LRP1B: variants seen among roughly 807,000 people sequenced by gnomAD.
LRP1B encodes low-density lipoprotein receptor-related protein 1B.
Under a neutral mutation model 556.6 loss-of-function variants are expected in LRP1B, and 217 were observed. That is an observed-to-expected ratio of 0.39 (90% CI 0.35 to 0.44). The LOEUF is 0.44. Ranked by LOEUF, LRP1B falls within the 20% of genes least tolerant of loss-of-function variation. The pLI, the probability that LRP1B is intolerant of heterozygous loss-of-function variation, is 1.00. For synonymous variants in LRP1B, 2,047 were observed against 1,865.8 expected (o/e 1.10, Z -2.50); for missense variants, 5,053 against 5,620.8 (o/e 0.90, Z 3.23).
At chr2:141,006,124 G>A (rs1398049550) in intron 14 of LRP1B, among the ~76,000 whole-genome samples, 1 of 151,978 alleles carries the variant, frequency 6.6e-6, no homozygotes, top group Non-Finnish European at 1.5e-5. Flanking sequence ...CGTATGTGAG[G>A]CACCCTTGCA....
chr2:141,024,910 G>A (rs754944629), intron 11 of LRP1B, among the ~76,000 whole-genome samples: 1 of 152,006 alleles, frequency 6.6e-6, no homozygotes, highest in Admixed American at 6.6e-5. Flanking sequence ...ATTATAATGG[G>A]CAGTAAGAAG....
chr2:141,497,856 T>C (rs956309304), intron 2 of LRP1B, among the ~76,000 whole-genome samples: 7 of 152,000 alleles, frequency 4.6e-5, no homozygotes, highest in African/African-American at 9.7e-5. Flanking sequence ...TTTTAACTTT[T>C]ATGAAAATAA....
chr2:141,815,354 G>C (rs868801183), intron 1 of LRP1B, among the ~76,000 whole-genome samples: 3 of 152,140 alleles, frequency 2.0e-5, no homozygotes, highest in African/African-American at 7.2e-5. Flanking sequence ...CAGCTGGGTC[G>C]AGTGAGGACT....
intron 2 of LRP1B, among the ~76,000 whole-genome samples, chr2:141,726,899 G>C (rs1014061720): frequency 6.6e-6 from 1 of 152,036 alleles, no homozygotes; most frequent in Non-Finnish European, 1.5e-5. Context: ...GATTTTGAAG[G>C]ATGAGCAGGT....
At chr2:141,472,374 T>C (rs946645287) in intron 3 of LRP1B, among the ~76,000 whole-genome samples, 3 of 152,050 alleles carry the variant, frequency 2.0e-5, no homozygotes, top group Non-Finnish European at 4.4e-5. Context: ...ATCCCGTCTG[T>C]ACTAAAAATA....
intron 1 of LRP1B, among the ~76,000 whole-genome samples, chr2:142,096,057 G>C (rs1387217418): frequency 6.6e-6 from 1 of 151,692 alleles, no homozygotes; most frequent in Non-Finnish European, 1.5e-5. Flanking sequence ...TTGTGTTCCA[G>C]ACTTATTCCT....
At chr2:140,778,329 C>T (rs73961492) in intron 32 of LRP1B, among the ~76,000 whole-genome samples, 3,018 of 152,156 alleles carry the variant, frequency 0.02, 104 homozygotes, top group African/African-American at 0.068. Context: ...AATATAAAAA[C>T]TGTCATATAA....
chr2:141,153,525 T>G (rs1297308169), intron 7 of LRP1B, among the ~76,000 whole-genome samples: 7 of 129,316 alleles, frequency 5.4e-5, no homozygotes, highest in African/African-American at 2.0e-4. Context: ...ATAAGCTATA[T>G]ATTTATATAT....
intron 5 of LRP1B, 42 bp from the exon 6 acceptor site, chr2:141,229,482 C>A (rs753839309): frequency 7.2e-7 from 1 of 1,389,616 alleles, no homozygotes; most frequent in South Asian, 1.3e-5. Flanking sequence ...CAGTAAGAGT[C>A]AAGATTATTT....
At chr2:140,392,090 A>G (rs1684046746) in intron 66 of LRP1B, among the ~76,000 whole-genome samples, 1 of 152,186 alleles carries the variant, frequency 6.6e-6, no homozygotes, top group South Asian at 2.1e-4. Context: ...ATGTGAAAGG[A>G]AAATAAATCT....
chr2:140,644,334 C>T (rs553806674), intron 41 of LRP1B, among the ~76,000 whole-genome samples: 13 of 151,408 alleles, frequency 8.6e-5, no homozygotes, highest in Non-Finnish European at 1.5e-4. Context: ...ATTCTTATGG[C>T]TTTATGTTAA....
intron 41 of LRP1B, among the ~76,000 whole-genome samples, chr2:140,627,705 C>T (rs995446530): frequency 6.6e-6 from 1 of 152,078 alleles, no homozygotes; most frequent in Non-Finnish European, 1.5e-5. Context: ...CTCTAGAGAA[C>T]CTTAATACAC....
At chr2:140,371,056 G>C (rs903920801) in intron 70 of LRP1B, 123 bp downstream of exon 70, 1 of 798,928 alleles carries the variant, frequency 1.3e-6, no homozygotes, top group Non-Finnish European at 2.0e-6. Context: ...TGCATTCAAT[G>C]TACATATCTA....
chr2:141,304,984 C>T (rs1044575803), intron 3 of LRP1B, among the ~76,000 whole-genome samples: 36 of 152,114 alleles, frequency 2.4e-4, no homozygotes, highest in Non-Finnish European at 5.1e-4. Flanking sequence ...CAATATTACG[C>T]TATGTTAATT....
At chr2:141,464,834 C>T (rs1682119926) in intron 3 of LRP1B, among the ~76,000 whole-genome samples, 2 of 151,582 alleles carry the variant, frequency 1.3e-5, no homozygotes. Context: ...TGAGATCTCA[C>T]TGATAGGGAT....
intron 1 of LRP1B, among the ~76,000 whole-genome samples, chr2:142,089,293 G>C (rs957125999): frequency 3.9e-5 from 6 of 152,060 alleles, no homozygotes; most frequent in Non-Finnish European, 4.4e-5. Flanking sequence ...TATAAAACAC[G>C]GGCTACCCTC....
chr2:141,796,756 T>G (rs1473395980), intron 2 of LRP1B, among the ~76,000 whole-genome samples: 2 of 151,956 alleles, frequency 1.3e-5, no homozygotes, highest in Non-Finnish European at 2.9e-5. Flanking sequence ...TAAAGCAGAT[T>G]CAAATATTTT....
intron 27 of LRP1B, among the ~76,000 whole-genome samples, chr2:140,855,612 C>G (rs1176205140): frequency 6.6e-6 from 1 of 151,884 alleles, no homozygotes; most frequent in Non-Finnish European, 1.5e-5. Flanking sequence ...TTCCCTGCTA[C>G]TACCATTTAC....
chr2:141,285,878 A>G (rs1291650129), intron 3 of LRP1B, among the ~76,000 whole-genome samples: 1 of 149,690 alleles, frequency 6.7e-6, no homozygotes, highest in East Asian at 2.0e-4. Context: ...CATCCCGGCT[A>G]CAACGGTGAA....
Sources: allele counts gnomAD v4.1 joint callset (sites outside exome capture counted in the v4.1 genomes callset), GRCh38; gene constraint gnomAD v4.1.1; transcripts MANE v1.5; gene names NCBI Gene and HGNC (gene_info 2026-07-23, HGNC 2026-07-21).